PDE6C: variants seen among roughly 807,000 people sequenced by gnomAD.
PDE6C encodes the protein phosphodiesterase 6C, also known as cone cGMP-specific 3',5'-cyclic phosphodiesterase subunit alpha'.
Under a neutral mutation model 113.1 loss-of-function variants are expected in PDE6C, and 75 were observed. The observed-to-expected ratio is 0.66, with a 90% CI of 0.55 to 0.80. The LOEUF (loss-of-function observed/expected upper bound fraction) is 0.80, where lower values mean the gene tolerates loss of function less well. Among genes scored for constraint, PDE6C ranks in the 30% least tolerant of loss-of-function variants. PDE6C has a pLI of 0.00. For synonymous variants in PDE6C, 375 were observed against 363.7 expected (o/e 1.03, Z -0.35); for missense variants, 912 against 1,038.6 (o/e 0.88, Z 1.67).
chr10:93,651,271 A>G (rs2058608761), intron 15 of PDE6C, among the ~76,000 whole-genome samples: 1 of 152,156 alleles, frequency 6.6e-6, no homozygotes, highest in African/African-American at 2.4e-5. Context: ...AATTCTAAGG[A>G]GCACACCTGT....
intron 1 of PDE6C, among the ~76,000 whole-genome samples, chr10:93,618,110 G>A (rs2058428380): frequency 6.6e-6 from 1 of 152,092 alleles, no homozygotes; most frequent in Non-Finnish European, 1.5e-5. Flanking sequence ...TCCGCGGTAT[G>A]GGAGGCCTAC....
intron 16 of PDE6C, among the ~76,000 whole-genome samples, chr10:93,656,582 G>A (rs1020516098): frequency 6.6e-6 from 1 of 151,538 alleles, no homozygotes; most frequent in South Asian, 2.1e-4. Context: ...ATTATTATAT[G>A]TATTATTATA....
chr10:93,636,678 G>GA (rs1211796010), intron 10 of PDE6C, among the ~76,000 whole-genome samples: 1 of 151,918 alleles, frequency 6.6e-6, no homozygotes, highest in Non-Finnish European at 1.5e-5. Context: ...ATTATTTCTT[G>GA]AAAAAAGTCT....
chr10:93,649,936 G>T (rs2058602095), intron 15 of PDE6C, among the ~76,000 whole-genome samples: 1 of 152,020 alleles, frequency 6.6e-6, no homozygotes, highest in Admixed American at 6.6e-5. Flanking sequence ...CCAATTCCAT[G>T]AGTTTTGACT....
At position 93,620,880 on chromosome 10, in the gene PDE6C, G is replaced by A; in HGVS notation, c.634-11G>A. The A allele has an allele frequency of 6.2e-7, 1 of 1,613,428 alleles. No homozygotes were observed. The highest frequency in any genetic ancestry group is 8.5e-7 in the Non-Finnish European group (1 of 1,179,390). ...TCACAACCATAACTTGTTATTCTCT[G>A]CCGTCTGTAGGTCTTTTCCAAATAC... On this transcript the variant is annotated splice_polypyrimidine_tract_variant and intron_variant, in intron 2 of 21. Coordinates refer to ENST00000371447, the MANE Select transcript of PDE6C (RefSeq NM_006204.4).
intron 1 of PDE6C, among the ~76,000 whole-genome samples, chr10:93,616,902 T>C (rs144984378): frequency 6.6e-6 from 1 of 152,202 alleles, no homozygotes; most frequent in South Asian, 2.1e-4. Context: ...TCTGCCCACA[T>C]AGGCCTCCCA....
chr10:93,658,169 CAAAAAAA>C (rs71031527), intron 16 of PDE6C, among the ~76,000 whole-genome samples: 13 of 59,886 alleles, frequency 2.2e-4, no homozygotes, highest in South Asian at 1.9e-3. Context: ...GATTCTGTCT[CAAAAAAA>C]AAAAAAAAAA....
intron 8 of PDE6C, among the ~76,000 whole-genome samples, chr10:93,631,840 T>C (rs1243440062): frequency 6.6e-6 from 1 of 152,254 alleles, no homozygotes; most frequent in African/African-American, 2.4e-5. Flanking sequence ...TCTCACACTA[T>C]GTTTCTTGGG....
intron 14 of PDE6C, among the ~76,000 whole-genome samples, chr10:93,643,699 CT>C (rs71031525): frequency 0.58 from 83,274 of 144,026 alleles, 24,820 homozygotes; most frequent in Non-Finnish European, 0.66. Context: ...CCAACTAATT[CT>C]TTTTTTTTTT....
At chr10:93,628,905 C>T (rs1012106951) in intron 7 of PDE6C, among the ~76,000 whole-genome samples, 1 of 152,086 alleles carries the variant, frequency 6.6e-6, no homozygotes, top group African/African-American at 2.4e-5. Context: ...AAAAGCAATC[C>T]TAGCTCTGCT....
chr10:93,662,730 C>T (rs1221657864), intron 20 of PDE6C, 87 bp downstream of exon 20: 1 of 759,190 alleles, frequency 1.3e-6, no homozygotes, highest in African/African-American at 1.7e-5. Context: ...TAGAAGTCAC[C>T]CATACGGAAA....
intron 15 of PDE6C, among the ~76,000 whole-genome samples, chr10:93,648,949 T>C (rs2058596765): frequency 6.6e-6 from 1 of 152,224 alleles, no homozygotes; most frequent in Non-Finnish European, 1.5e-5. Context: ...CCTTGTGTAC[T>C]GGCACTAGCA....
intron 16 of PDE6C, among the ~76,000 whole-genome samples, chr10:93,657,878 G>A (rs10786120): frequency 0.19 from 29,570 of 152,032 alleles, 3,092 homozygotes; most frequent in African/African-American, 0.27. Flanking sequence ...CACACAGTGT[G>A]CAAGAGTTCC....
Position 93,640,525 on chromosome 10 carries a change from A to G in PDE6C, c.1705A>G (p.Asn569Asp), listed in dbSNP as rs1277937190. Reference protein sequence around the residue: ...VTYHNWRHGFNVGQTMFTLLM... With the variant: ...VTYHNWRHGFDVGQTMFTLLM... Reference sequence around the variant, plus strand: ...TTACCACAATTGGCGGCATGGGTTCAACGTGGGGCAGACCATGTTTACTTT... The same window carrying G: ...TTACCACAATTGGCGGCATGGGTTCGACGTGGGGCAGACCATGTTTACTTT... Residue 569 changes from asparagine (N) to aspartate (D), a missense_variant, in exon 13 of 22, where the codon AAC (asparagine) becomes GAC (aspartate). Asn to Asp is a conservative substitution (Grantham distance 23). Transcript: ENST00000371447. 6.2e-7 allele frequency: 1 copy of G among 1,613,590 alleles called. No individual in the cohort carries two copies. The highest frequency in any genetic ancestry group is 1.1e-5 in the South Asian group (1 of 91,070).
chr10:93,651,829 C>T (rs1405816265), intron 15 of PDE6C, among the ~76,000 whole-genome samples: 1 of 152,160 alleles, frequency 6.6e-6, no homozygotes, highest in Non-Finnish European at 1.5e-5. Context: ...TGTACATCAG[C>T]ATAACTTCTC....
intron 21 of PDE6C, among the ~76,000 whole-genome samples, chr10:93,664,762 G>A (rs2058682064): frequency 6.6e-6 from 1 of 152,142 alleles, no homozygotes; most frequent in Admixed American, 6.6e-5. Context: ...CTATCACCAG[G>A]CATGGAGCTT....
chr10:93,645,840 CCACTT>C, intron 14 of PDE6C, 115 bp from the exon 15 acceptor site: 1 of 690,416 alleles, frequency 1.4e-6, no homozygotes, highest in Non-Finnish European at 2.7e-6. Flanking sequence ...TTATTTTTGA[CCACTT>C]CACAGATAAT....
At chr10:93,630,420 A>C (rs1589696299) in intron 8 of PDE6C, among the ~76,000 whole-genome samples, 8 of 99,674 alleles carry the variant, frequency 8.0e-5, no homozygotes, top group Admixed American at 2.5e-4. Context: ...CATCTCTGCC[A>C]CTCCCTTCTC....
chr10:93,652,967 G>A (rs1324476990), intron 15 of PDE6C, among the ~76,000 whole-genome samples: 1 of 152,070 alleles, frequency 6.6e-6, no homozygotes, highest in Non-Finnish European at 1.5e-5. Flanking sequence ...AAAAGTTTAA[G>A]GCATTTTCAC....
Sources: gnomAD v4.1 joint callset for allele counts (sites outside exome capture counted in the v4.1 genomes callset) on GRCh38, gnomAD v4.1.1 for gene constraint, MANE v1.5 for transcripts, NCBI Gene and HGNC (gene_info 2026-07-23, HGNC 2026-07-21) for gene names.